Variants in BRI3 observed in about 807,000 individuals in gnomAD.
BRI3 encodes membrane protein BRI3.
Under a neutral mutation model 12.8 loss-of-function variants are expected in BRI3, and 6 were observed. The observed-to-expected ratio is 0.47, with a 90% CI of 0.26 to 0.93. BRI3 has a LOEUF of 0.93. BRI3 is among the 40% of genes least tolerant of loss of function. The probability of loss-of-function intolerance (pLI) is 0.15; values close to 1 mark genes in which losing one functional copy is unlikely to be tolerated. For missense variants in BRI3, 134 were observed against 171.1 expected, an observed-to-expected ratio of 0.78 and a Z score of 1.21; for synonymous variants, 91 against 76.1, an observed-to-expected ratio of 1.20 and a Z score of -1.02.
downstream of BRI3, chr7:98,312,030 G>A (rs1800891828): frequency 1.3e-6 from 2 of 1,484,168 alleles, no homozygotes; most frequent in Admixed American, 2.1e-5. Flanking sequence ...ACCAACACAG[G>A]CAAATTTGGC....
intron 1 of BRI3, among the ~76,000 whole-genome samples, chr7:98,300,033 T>C (rs1361033523): frequency 6.6e-6 from 1 of 152,172 alleles, no homozygotes; most frequent in Non-Finnish European, 1.5e-5. Context: ...AGAGCAAGAC[T>C]CCGTCTCATA....
At chr7:98,285,484 G>C (rs563668767) in intron 2 of BRI3, among the ~76,000 whole-genome samples, 1 of 152,180 alleles carries the variant, frequency 6.6e-6, no homozygotes, top group Admixed American at 6.5e-5. Flanking sequence ...GGCTGTCCCC[G>C]TCCTGACAGT....
At chr7:98,282,250 CT>C in intron 1 of BRI3, 100 bp from the exon 2 acceptor site, 3 of 1,081,610 alleles carry the variant, frequency 2.8e-6, no homozygotes, top group Non-Finnish European at 1.3e-6. Flanking sequence ...AGACCGGGGG[CT>C]TTTTTAGCGG....
rs1025295182 is a variant in BRI3, at chr7:98,290,991, C to T, written c.246-120C>T. On this transcript the variant is annotated intron_variant, in intron 2 of 2. Transcript: ENST00000297290. Reference sequence around the variant, plus strand: ...TGGGGGGCTGTTTTCTGTCACTCGCCAGAGGTCCCCATGTGACTCATGGCC... The same window carrying T: ...TGGGGGGCTGTTTTCTGTCACTCGCTAGAGGTCCCCATGTGACTCATGGCC... 7 of 1,189,524 alleles carry T rather than the reference C, an allele frequency of 5.9e-6. No homozygotes were observed. The Admixed American group carries it at 7.9e-5, about 13-fold the overall frequency. The allele number at this position is 1,189,524 out of a possible 1,614,324, so 73.7% of individuals were successfully genotyped here. A position where few individuals can be genotyped will look rare whatever the true frequency, so the allele number is the denominator to read the frequency against.
rs951439612 is a variant in BRI3, at chr7:98,281,975, G to A, written c.142+38G>A. ...CCAACTTTCCCCGCCGGCGGCTTCC[G>A]AGGTGGCAAGCCCGGTCGGGGGACG... is the stretch of plus-strand genomic sequence containing the variant. On this transcript the variant is annotated intron_variant, in intron 1 of 2. Coordinates refer to ENST00000297290, the MANE Select transcript of BRI3 (RefSeq NM_015379.5). 3.7e-5 allele frequency: 48 copies of A among 1,284,476 alleles called. No individual in the cohort carries two copies. In the African/African-American group the frequency reaches 7.0e-4, roughly 19 times the overall value. 79.6% of individuals were successfully genotyped at this position (1,284,476 alleles called of 1,614,324 possible).
At chr7:98,293,856 T>C (rs1327980808), downstream of BRI3, among the ~76,000 whole-genome samples, 1 of 152,240 alleles carries the variant, frequency 6.6e-6, no homozygotes, top group African/African-American at 2.4e-5. Flanking sequence ...CTGCATTGTG[T>C]GTGACATGGG....
chr7:98,290,465 G>A (rs918711936), intron 2 of BRI3, among the ~76,000 whole-genome samples: 1 of 151,578 alleles, frequency 6.6e-6, no homozygotes. Context: ...AAAGTGCTGG[G>A]ATTACAGGCG....
upstream of BRI3, among the ~76,000 whole-genome samples, chr7:98,302,224 T>C (rs1184205195): frequency 1.3e-5 from 2 of 152,172 alleles, no homozygotes; most frequent in Non-Finnish European, 2.9e-5. Context: ...GCGGCGACAG[T>C]ACTTTCTTCA....
At chr7:98,296,617 CCA>C (rs1280694171), downstream of BRI3, among the ~76,000 whole-genome samples, 1 of 150,024 alleles carries the variant, frequency 6.7e-6, no homozygotes, top group Non-Finnish European at 1.5e-5. Flanking sequence ...GAGTGAGACT[CCA>C]TCTGTAAAAA....
chr7:98,321,094 A>G, the BRI3 span, among the ~76,000 whole-genome samples: 1 of 151,962 alleles, frequency 6.6e-6, no homozygotes, highest in Non-Finnish European at 1.5e-5. Flanking sequence ...CCTGACCTCA[A>G]GTGATCCGCA....
At chr7:98,294,368 C>T (rs900920188), downstream of BRI3, among the ~76,000 whole-genome samples, 1 of 152,178 alleles carries the variant, frequency 6.6e-6, no homozygotes, top group South Asian at 2.1e-4. Flanking sequence ...TGCCCTGTCC[C>T]AATCTGTTAG....
intron 1 of BRI3, among the ~76,000 whole-genome samples, chr7:98,301,494 T>TA (rs1562964491): frequency 6.7e-6 from 1 of 149,364 alleles, no homozygotes; most frequent in Non-Finnish European, 1.5e-5. Flanking sequence ...TATATATATA[T>TA]TTTAAGTGGA....
chr7:98,307,888 CG>C (rs1562967582), exon 2 of BRI3: 1 of 1,614,176 alleles, frequency 6.2e-7, no homozygotes, highest in East Asian at 2.2e-5. Context: ...CTGGGATCTT[CG>C]GAAGTACCTG....
At chr7:98,284,518 C>A (rs1203059611) in intron 2 of BRI3, among the ~76,000 whole-genome samples, 1 of 152,210 alleles carries the variant, frequency 6.6e-6, no homozygotes, top group Non-Finnish European at 1.5e-5. Context: ...ACACACAACA[C>A]ACACGTCTGG....
At chr7:98,286,343 G>A (rs1186465956) in intron 2 of BRI3, among the ~76,000 whole-genome samples, 1 of 152,246 alleles carries the variant, frequency 6.6e-6, no homozygotes, top group Non-Finnish European at 1.5e-5. Context: ...ACAGTGGCAT[G>A]ACTGGCCACT....
intron 2 of BRI3, among the ~76,000 whole-genome samples, chr7:98,287,845 C>A (rs974140491): frequency 1.3e-5 from 2 of 152,206 alleles, no homozygotes; most frequent in African/African-American, 4.8e-5. Context: ...GTCTCTGCTG[C>A]GCCCCATGGG....
chr7:98,290,996 G>A, intron 2 of BRI3, 115 bp from the exon 3 acceptor site: 1 of 1,226,410 alleles, frequency 8.2e-7, no homozygotes, highest in Admixed American at 1.9e-5. Context: ...CTCGCCAGAG[G>A]TCCCCATGTG....
At chr7:98,314,754 C>A (rs1801010059), downstream of BRI3, among the ~76,000 whole-genome samples, 1 of 152,116 alleles carries the variant, frequency 6.6e-6, no homozygotes, top group African/African-American at 2.4e-5. Context: ...ATGAAGGGAG[C>A]ATCTCAAATC....
chr7:98,285,121 G>T (rs1365269180), intron 2 of BRI3, among the ~76,000 whole-genome samples: 1 of 152,142 alleles, frequency 6.6e-6, no homozygotes, highest in African/African-American at 2.4e-5. Flanking sequence ...AGTTTTGGGG[G>T]TGACCAGAGA....
Sources: allele counts gnomAD v4.1 joint callset (sites outside exome capture counted in the v4.1 genomes callset), GRCh38; gene constraint gnomAD v4.1.1; transcripts MANE v1.5; gene names NCBI Gene and HGNC (gene_info 2026-07-23, HGNC 2026-07-21).